The following ARHGAP15 variants were observed in gnomAD, a reference collection of about 807,000 sequenced individuals.
ARHGAP15 encodes the protein Rho GTPase activating protein 15.
A neutral mutation model predicts 63.7 loss-of-function variants in ARHGAP15; 51 were observed. The observed-to-expected ratio is 0.80, with a 90% CI of 0.64 to 1.01. ARHGAP15 has a LOEUF of 1.01. ARHGAP15 is among the 50% of genes least tolerant of loss of function. ARHGAP15 has a pLI of 0.00. For synonymous variants in ARHGAP15, 191 were observed against 193.8 expected (o/e 0.99, Z 0.12); for missense variants, 560 against 564.6 (o/e 0.99, Z 0.08).
At chr2:143,475,853 T>C (rs1691791128) in intron 8 of ARHGAP15, among the ~76,000 whole-genome samples, 1 of 152,242 alleles carries the variant, frequency 6.6e-6, no homozygotes. Context: ...CTTTGAGGGA[T>C]GATACATTTT....
intron 13 of ARHGAP15, among the ~76,000 whole-genome samples, chr2:143,758,250 GA>G (rs1686646397): frequency 6.6e-6 from 1 of 150,550 alleles, no homozygotes; most frequent in African/African-American, 2.4e-5. Context: ...TTCTAAAAAG[GA>G]AAAAAATTAT....
At chr2:143,450,060 C>A (rs1690337996) in intron 8 of ARHGAP15, among the ~76,000 whole-genome samples, 1 of 145,706 alleles carries the variant, frequency 6.9e-6, no homozygotes, top group African/African-American at 2.5e-5. Flanking sequence ...TTTTTTTTTC[C>A]TAGTGAGTAC....
intron 12 of ARHGAP15, among the ~76,000 whole-genome samples, chr2:143,657,537 A>T (rs1681518919): frequency 6.6e-6 from 1 of 152,218 alleles, no homozygotes; most frequent in African/African-American, 2.4e-5. Flanking sequence ...ATTCAATTTG[A>T]TATGAATCTA....
At chr2:143,641,847 A>G (rs1410916776) in intron 12 of ARHGAP15, among the ~76,000 whole-genome samples, 1 of 152,138 alleles carries the variant, frequency 6.6e-6, no homozygotes, top group East Asian at 1.9e-4. Flanking sequence ...TGACAGTTAT[A>G]TATCTAGAAA....
At chr2:143,720,140 G>T (rs888557754) in intron 13 of ARHGAP15, among the ~76,000 whole-genome samples, 6 of 152,184 alleles carry the variant, frequency 3.9e-5, no homozygotes, top group African/African-American at 1.4e-4. Context: ...ACTGGGGAGA[G>T]TGGGGGCGGG....
chr2:143,756,334 G>A (rs910944716), intron 13 of ARHGAP15, among the ~76,000 whole-genome samples: 4 of 152,072 alleles, frequency 2.6e-5, no homozygotes, highest in African/African-American at 9.7e-5. Flanking sequence ...GCTGATCCAT[G>A]CACAACACTC....
intron 6 of ARHGAP15, among the ~76,000 whole-genome samples, chr2:143,277,273 G>A (rs1309176124): frequency 6.6e-6 from 1 of 151,840 alleles, no homozygotes; most frequent in African/African-American, 2.4e-5. Context: ...GAAAAAATGG[G>A]CAGTTTCATT....
intron 6 of ARHGAP15, among the ~76,000 whole-genome samples, chr2:143,380,255 C>T (rs1245641206): frequency 6.6e-6 from 1 of 152,082 alleles, no homozygotes; most frequent in Non-Finnish European, 1.5e-5. Flanking sequence ...CTGTGGTTTC[C>T]ATTCCTGGCT....
At chr2:143,501,472 A>T (rs1693053987) in intron 9 of ARHGAP15, among the ~76,000 whole-genome samples, 1 of 152,230 alleles carries the variant, frequency 6.6e-6, no homozygotes, top group South Asian at 2.1e-4. Context: ...TTTAGTTATA[A>T]ATCTGTTCAC....
chr2:143,198,616 A>G (rs1400763063), intron 2 of ARHGAP15, among the ~76,000 whole-genome samples: 1 of 152,154 alleles, frequency 6.6e-6, no homozygotes, highest in Non-Finnish European at 1.5e-5. Context: ...TCCTAATAAT[A>G]TGTACACCAC....
At chr2:143,562,223 T>C (rs1696059264) in intron 11 of ARHGAP15, among the ~76,000 whole-genome samples, 1 of 152,232 alleles carries the variant, frequency 6.6e-6, no homozygotes, top group Non-Finnish European at 1.5e-5. Context: ...TAGCTATCCC[T>C]GTGCTTTTCA....
chr2:143,754,314 C>T (rs577496186), intron 13 of ARHGAP15, among the ~76,000 whole-genome samples: 1 of 152,302 alleles, frequency 6.6e-6, no homozygotes, highest in South Asian at 2.1e-4. Context: ...GTGCTTACGG[C>T]ATTTATATTC....
intron 10 of ARHGAP15, among the ~76,000 whole-genome samples, chr2:143,546,030 A>G (rs2105061724): frequency 6.6e-6 from 1 of 152,328 alleles, no homozygotes; most frequent in South Asian, 2.1e-4. Context: ...TTGATGAGTG[A>G]GAGAAATGTT....
intron 8 of ARHGAP15, among the ~76,000 whole-genome samples, chr2:143,483,392 T>C (rs1029866127): frequency 6.6e-6 from 1 of 152,202 alleles, no homozygotes; most frequent in Non-Finnish European, 1.5e-5. Context: ...AAAAAAAATA[T>C]ACCGTGCTTG....
At chr2:143,413,313 A>G (rs909822422) in intron 6 of ARHGAP15, among the ~76,000 whole-genome samples, 2 of 152,000 alleles carry the variant, frequency 1.3e-5, no homozygotes, top group Non-Finnish European at 2.9e-5. Context: ...TTTGTGAGGG[A>G]TGGTATATTT....
At chr2:143,476,349 A>G (rs1691814614) in intron 8 of ARHGAP15, among the ~76,000 whole-genome samples, 1 of 152,234 alleles carries the variant, frequency 6.6e-6, no homozygotes, top group Non-Finnish European at 1.5e-5. Context: ...TTGTTATGTA[A>G]GAGTACTGTT....
intron 12 of ARHGAP15, among the ~76,000 whole-genome samples, chr2:143,660,414 A>C (rs1208672377): frequency 6.6e-6 from 1 of 152,236 alleles, no homozygotes; most frequent in Non-Finnish European, 1.5e-5. Flanking sequence ...GAATTTGGGA[A>C]CCAACAAAGG....
intron 10 of ARHGAP15, among the ~76,000 whole-genome samples, chr2:143,547,859 A>C (rs547240990): frequency 1.9e-3 from 295 of 152,144 alleles, no homozygotes; most frequent in Admixed American, 4.5e-3. Context: ...AGAATACCTG[A>C]TAATAGTAAA....
At position 143,195,186 on chromosome 2, in the gene ARHGAP15, A is replaced by G. The variant is rs188915469; in HGVS notation, c.166-6948A>G. On this transcript the variant is annotated intron_variant, in intron 2 of 13. Coordinates refer to ENST00000295095, the MANE Select transcript of ARHGAP15 (RefSeq NM_018460.4). The stretch of plus-strand genomic sequence containing the variant: ...GATTTCTGACTGACAATAATAAACA[A>G]TCAAAAGAGGCTTAGGGAAGAGCCC... Among the ~76,000 whole-genome samples the G allele has an allele frequency of 4.8e-3, 725 of 152,250 alleles. 5 individuals are homozygous for G. Among genetic ancestry groups the G allele is most frequent in the African/African-American group, 0.016 (676 of 41,548 alleles).
Sources: gnomAD v4.1 joint callset for allele counts (sites outside exome capture counted in the v4.1 genomes callset) on GRCh38, gnomAD v4.1.1 for gene constraint, MANE v1.5 for transcripts, NCBI Gene and HGNC (gene_info 2026-07-23, HGNC 2026-07-21) for gene names.